Variants in DRD3 observed in about 807,000 individuals in gnomAD.
DRD3 encodes the protein D(3) dopamine receptor.
DRD3 carries 19 observed loss-of-function variants against 36.3 expected under a neutral mutation model. That is an observed-to-expected ratio of 0.52 (90% CI 0.36 to 0.77). DRD3 has a LOEUF of 0.77. DRD3 is among the 30% of genes least tolerant of loss of function. The pLI is 0.00. For synonymous variants in DRD3, 195 were observed against 203.7 expected (o/e 0.96, Z 0.36); for missense variants, 465 against 505.3 (o/e 0.92, Z 0.77).
chr3:114,150,157 C>G (rs1326778819), intron 3 of DRD3, among the ~76,000 whole-genome samples: 4 of 12,070 alleles, frequency 3.3e-4, no homozygotes, highest in African/African-American at 7.0e-4. Context: ...TGACCTCCCA[C>G]TGATCCTGAC....
chr3:114,187,561 G>A (rs1055524655), intron 1 of DRD3, among the ~76,000 whole-genome samples: 2 of 152,116 alleles, frequency 1.3e-5, no homozygotes, highest in Admixed American at 1.3e-4. Context: ...ATATCCTACT[G>A]CACTGCCATG....
rs1224315656 is a variant in DRD3, at chr3:114,131,543, G to C, written c.724-143C>G. The C allele has an allele frequency of 2.7e-5, 32 of 1,174,402 alleles. No individual in the cohort carries two copies. In the East Asian group the frequency reaches 7.7e-4, roughly 28 times the overall value. The allele number at this position is 1,174,402 out of a possible 1,614,324, so 72.7% of individuals were successfully genotyped here. ...CTACAAAGGGAACATCTGAGGGAGT[G>C]GTGGGACCATGAGAAGTTAAGGGAA... is the stretch of plus-strand genomic sequence containing the variant. On this transcript the variant is annotated intron_variant, in intron 5 of 6. Transcript: ENST00000383673.
At chr3:114,150,718 T>C (rs1332042446) in intron 3 of DRD3, among the ~76,000 whole-genome samples, 1 of 152,158 alleles carries the variant, frequency 6.6e-6, no homozygotes, top group South Asian at 2.1e-4. Context: ...TTAACCCTTG[T>C]TGTGCACCTC....
chr3:114,144,279 G>T (rs1171876878), intron 4 of DRD3, among the ~76,000 whole-genome samples: 1 of 152,208 alleles, frequency 6.6e-6, no homozygotes, highest in Non-Finnish European at 1.5e-5. Flanking sequence ...TAAAAGAAGA[G>T]CTCTGCCAGA....
At chr3:114,148,282 C>A (rs1297583968) in intron 3 of DRD3, among the ~76,000 whole-genome samples, 1 of 152,096 alleles carries the variant, frequency 6.6e-6, no homozygotes, top group Non-Finnish European at 1.5e-5. Flanking sequence ...GGTTTTCAGA[C>A]AATGATAGAA....
intron 1 of DRD3, 84 bp from the exon 2 acceptor site, chr3:114,172,111 C>T: frequency 1.8e-6 from 2 of 1,096,246 alleles, no homozygotes; most frequent in Non-Finnish European, 2.4e-6. Context: ...TTTATTGCAT[C>T]AGCAAATATT....
At chr3:114,199,203 A>C (rs1347218762) in intron 1 of DRD3, 1 of 152,206 alleles carries the variant, frequency 6.6e-6, no homozygotes, top group Non-Finnish European at 1.5e-5. Context: ...GTCTTGGTCC[A>C]TTCTGTGCTG....
intron 4 of DRD3, among the ~76,000 whole-genome samples, chr3:114,140,448 A>G (rs2077514568): frequency 6.6e-6 from 1 of 152,196 alleles, no homozygotes; most frequent in African/African-American, 2.4e-5. Flanking sequence ...AGATTCCTCC[A>G]AGGCCCAAGA....
intron 6 of DRD3, among the ~76,000 whole-genome samples, chr3:114,130,625 G>T (rs1334814258): frequency 6.6e-6 from 1 of 151,914 alleles, no homozygotes; most frequent in South Asian, 2.1e-4. Flanking sequence ...GGGGTTTACC[G>T]TGTTAGCCAG....
chr3:114,159,661 A>G, intron 3 of DRD3, 94 bp downstream of exon 3: 1 of 935,596 alleles, frequency 1.1e-6, no homozygotes, highest in East Asian at 2.4e-5. Flanking sequence ...GTCAAGTTCT[A>G]CTTGGAGGTG....
At chr3:114,141,847 C>T (rs180993907) in intron 4 of DRD3, among the ~76,000 whole-genome samples, 163 of 151,824 alleles carry the variant, frequency 1.1e-3, no homozygotes, top group Admixed American at 3.8e-3. Context: ...GTCAGGAGTT[C>T]GAGACGAGCC....
intron 4 of DRD3, among the ~76,000 whole-genome samples, chr3:114,145,195 TC>T (rs1462933895): frequency 6.6e-6 from 1 of 152,110 alleles, no homozygotes; most frequent in African/African-American, 2.4e-5. Context: ...GTGGTGAGTT[TC>T]CCACACTAGA....
chr3:114,190,463 T>TATATATATATA (rs60042583), intron 1 of DRD3, among the ~76,000 whole-genome samples: 1 of 5,568 alleles, frequency 1.8e-4, no homozygotes, highest in Non-Finnish European at 3.3e-4. Context: ...TATATATATA[T>TATATATATATA]TTTTTTTTTT....
In DRD3 at chr3:114,139,566, T is replaced by A; in HGVS notation, c.657A>T (p.Arg219Ser). Reference sequence around the variant, plus strand: ...TCTGTCGAGTGAGGATCCTTTTCCGTCTCCTTTGTTTCAGCACCACATAGA... The same window carrying A: ...TCTGTCGAGTGAGGATCCTTTTCCGACTCCTTTGTTTCAGCACCACATAGA... ...ARIYVVLKQR[R>S]RKRILTRQNS... The change falls in exon 5 of 7, where the codon AGA becomes AGT. Residue 219 changes from arginine (R) to serine (S), a missense_variant. Transcript: ENST00000383673. 1 of 1,614,064 alleles carries A rather than the reference T, an allele frequency of 6.2e-7. No homozygotes were observed. The highest frequency in any genetic ancestry group is 1.1e-5 in the South Asian group (1 of 91,062).
At chr3:114,159,448 G>T (rs1169514737) in intron 3 of DRD3, among the ~76,000 whole-genome samples, 2 of 151,674 alleles carry the variant, frequency 1.3e-5, no homozygotes, top group Non-Finnish European at 2.9e-5. Flanking sequence ...CCTCCCTAAT[G>T]GGAAGCTTTC....
At chr3:114,136,231 C>T (rs2077473527) in intron 5 of DRD3, among the ~76,000 whole-genome samples, 1 of 151,586 alleles carries the variant, frequency 6.6e-6, no homozygotes, top group Non-Finnish European at 1.5e-5. Flanking sequence ...AAAACAAAAA[C>T]AAAAAAACCT....
chr3:114,184,956 C>T (rs144515307), intron 1 of DRD3, among the ~76,000 whole-genome samples: 1 of 152,280 alleles, frequency 6.6e-6, no homozygotes, highest in East Asian at 1.9e-4. Flanking sequence ...TGTCCCACTA[C>T]CTGATGGGCC....
chr3:114,190,462 ATTTTTTTTTTTTTTTTTTTTTT>A (rs55938654), intron 1 of DRD3, among the ~76,000 whole-genome samples: 32 of 8,052 alleles, frequency 4.0e-3, no homozygotes, highest in African/African-American at 0.012. Context: ...ATATATATAT[ATTTTTTTTTTTTTTTTTTTTTT>A]TTTTTTTTTT....
intron 1 of DRD3, among the ~76,000 whole-genome samples, chr3:114,176,859 G>A (rs1271389979): frequency 6.6e-6 from 1 of 152,122 alleles, no homozygotes; most frequent in Non-Finnish European, 1.5e-5. Context: ...AAATTTATAA[G>A]CATTATCATC....
Sources: allele counts gnomAD v4.1 joint callset (sites outside exome capture counted in the v4.1 genomes callset), GRCh38; gene constraint gnomAD v4.1.1; transcripts MANE v1.5; gene names NCBI Gene and HGNC (gene_info 2026-07-23, HGNC 2026-07-21).